CTDSPL: variants seen among roughly 807,000 people sequenced by gnomAD.
CTDSPL encodes the protein CTD small phosphatase-like protein.
Under a neutral mutation model 30.5 loss-of-function variants are expected in CTDSPL, and 8 were observed. The ratio of observed to expected loss-of-function variants is 0.26; its 90% confidence interval spans 0.15 to 0.47. The LOEUF is 0.47. CTDSPL is among the 20% of genes least tolerant of loss of function. CTDSPL has a pLI of 0.99. For synonymous variants in CTDSPL, 110 were observed against 137.9 expected, an observed-to-expected ratio of 0.80 and a Z score of 1.42; for missense variants, 248 against 366.1, an observed-to-expected ratio of 0.68 and a Z score of 2.63.
intron 3 of CTDSPL, among the ~76,000 whole-genome samples, chr3:37,957,970 T>C (rs1699193601): frequency 6.6e-6 from 1 of 152,222 alleles, no homozygotes; most frequent in Non-Finnish European, 1.5e-5. Context: ...TAGAGAAGGA[T>C]TTAGGTTTCA....
At chr3:37,939,964 C>T (rs1374402614) in intron 1 of CTDSPL, among the ~76,000 whole-genome samples, 3 of 149,984 alleles carry the variant, frequency 2.0e-5, no homozygotes, top group Admixed American at 1.3e-4. Context: ...TGGTGGCAGG[C>T]GCCTGTAGTC....
intron 1 of CTDSPL, 73 bp from the exon 2 acceptor site, chr3:37,946,984 A>G: frequency 6.8e-7 from 1 of 1,481,108 alleles, no homozygotes; most frequent in Non-Finnish European, 9.1e-7. Flanking sequence ...CTGCACACTC[A>G]GATTTTTGCA....
intron 7 of CTDSPL, among the ~76,000 whole-genome samples, chr3:37,977,939 C>A (rs1199571624): frequency 6.6e-6 from 1 of 152,088 alleles, no homozygotes; most frequent in Non-Finnish European, 1.5e-5. Flanking sequence ...GTATTATACG[C>A]TTATGAAGAT....
At position 37,971,523 on chromosome 3, in the gene CTDSPL, C is replaced by T; in HGVS notation, c.519+24C>T. On this transcript the variant is annotated intron_variant, in intron 6 of 7. Coordinates refer to ENST00000273179, the MANE Select transcript of CTDSPL (RefSeq NM_001008392.2). ...AGGTGAGTCCTGCTTCCCAGCCCCA[C>T]ACTCCCAGCCTGGTACTCCCAGCCC... The T allele has an allele frequency of 1.9e-6, 3 of 1,603,220 alleles. No homozygotes were observed. In the East Asian group the frequency reaches 6.7e-5, roughly 36 times the overall value.
chr3:37,938,812 C>G (rs1698944622), intron 1 of CTDSPL, among the ~76,000 whole-genome samples: 1 of 149,524 alleles, frequency 6.7e-6, no homozygotes, highest in East Asian at 2.0e-4. Context: ...TCCCGAGTAG[C>G]TGGGACTACA....
chr3:37,953,049 A>G (rs1243536513), intron 2 of CTDSPL, among the ~76,000 whole-genome samples: 3 of 152,248 alleles, frequency 2.0e-5, no homozygotes, highest in Admixed American at 1.3e-4. Context: ...ATAACATTTT[A>G]TTTAATCACT....
At chr3:37,947,015 C>T in intron 1 of CTDSPL, 42 bp from the exon 2 acceptor site, 1 of 1,591,228 alleles carries the variant, frequency 6.3e-7, no homozygotes, top group East Asian at 2.2e-5. Context: ...ACTATCAGTA[C>T]ATGCTGCAGT....
At chr3:37,952,552 C>T (rs1018296384) in intron 2 of CTDSPL, among the ~76,000 whole-genome samples, 1 of 152,198 alleles carries the variant, frequency 6.6e-6, no homozygotes, top group African/African-American at 2.4e-5. Context: ...ACAGAAAAAC[C>T]CAGGAGACTT....
rs1340382979 is a variant in CTDSPL, at chr3:37,960,527, TATATATATACACAC to T, written c.267+3386_267+3399del. Among the ~76,000 whole-genome samples the T allele has an allele frequency of 2.6e-3, 163 of 63,622 alleles. 3 individuals are homozygous for T. Among genetic ancestry groups the T allele is most frequent in the African/African-American group, 0.01 (148 of 14,786 alleles). The allele number at this position is 63,622 out of a possible 152,430, so 41.7% of individuals were successfully genotyped here. A position where few individuals can be genotyped will look rare whatever the true frequency, so the allele number is the denominator to read the frequency against. ...AAAAATATATATATATATATATATATATATATATACACACACACACACACACACACACACACACA... is the reference window on the plus strand; with the variant it reads ...AAAAATATATATATATATATATATATACACACACACACACACACACACACA... On this transcript the variant is annotated intron_variant, in intron 3 of 7. Transcript: ENST00000273179.
chr3:37,884,291 AAGC>A (rs1698240325), intron 1 of CTDSPL, among the ~76,000 whole-genome samples: 1 of 152,130 alleles, frequency 6.6e-6, no homozygotes, highest in Non-Finnish European at 1.5e-5. Context: ...TAGTTACAAA[AAGC>A]AGGTTGCAGA....
intron 1 of CTDSPL, among the ~76,000 whole-genome samples, chr3:37,863,809 G>A (rs1697974475): frequency 1.3e-5 from 2 of 152,218 alleles, no homozygotes; most frequent in Non-Finnish European, 2.9e-5. Context: ...TTGGGCATTT[G>A]TCAACCTGTT....
chr3:37,913,754 C>T (rs1329957605), intron 1 of CTDSPL, among the ~76,000 whole-genome samples: 2 of 152,190 alleles, frequency 1.3e-5, no homozygotes, highest in African/African-American at 2.4e-5. Context: ...AGGAACCTAC[C>T]AGCGTTGGTT....
chr3:37,954,179 G>C (rs913657208), intron 2 of CTDSPL, among the ~76,000 whole-genome samples: 1 of 152,218 alleles, frequency 6.6e-6, no homozygotes, highest in Admixed American at 6.5e-5. Context: ...GTACTCAGCC[G>C]TATCTATCAG....
rs548988818 is a variant in CTDSPL at position 37,942,295 on chromosome 3, A to G, written c.80-4762A>G. Among the ~76,000 whole-genome samples, 114 of 150,402 alleles carry G rather than the reference A, an allele frequency of 7.6e-4. 7 individuals carry two copies. The highest frequency in any genetic ancestry group is 1.4e-3 in the Non-Finnish European group (96 of 67,100). On this transcript the variant is annotated intron_variant, in intron 1 of 7. Coordinates refer to ENST00000273179, the MANE Select transcript of CTDSPL (RefSeq NM_001008392.2). Reference sequence around the variant, plus strand: ...GCCTTTGATCCAGCGTTCCTGGAGAACCCTCACTCATTTATGAAGCGAAAG... The same window carrying G: ...GCCTTTGATCCAGCGTTCCTGGAGAGCCCTCACTCATTTATGAAGCGAAAG...
intron 4 of CTDSPL, among the ~76,000 whole-genome samples, chr3:37,965,910 A>G (rs1392141262): frequency 2.6e-5 from 4 of 152,180 alleles, no homozygotes; most frequent in Admixed American, 6.5e-5. Context: ...AGCCCCTTCC[A>G]TAGTTGGTCC....
intron 4 of CTDSPL, among the ~76,000 whole-genome samples, chr3:37,967,106 G>A (rs1260542392): frequency 6.6e-6 from 1 of 152,228 alleles, no homozygotes; most frequent in African/African-American, 2.4e-5. Context: ...GTTCCTTGGA[G>A]CGGAGCAGGC....
chr3:37,952,697 C>A (rs1348145328), intron 2 of CTDSPL, among the ~76,000 whole-genome samples: 1 of 152,162 alleles, frequency 6.6e-6, no homozygotes, highest in Non-Finnish European at 1.5e-5. Context: ...TTGGGTATAG[C>A]CATTTGTCAC....
chr3:37,917,029 G>A (rs1467166835), intron 1 of CTDSPL, among the ~76,000 whole-genome samples: 2 of 152,174 alleles, frequency 1.3e-5, no homozygotes, highest in Non-Finnish European at 2.9e-5. Context: ...AGTGTCGTAG[G>A]TATAAGGAAA....
At chr3:37,868,142 G>A (rs1228763374) in intron 1 of CTDSPL, among the ~76,000 whole-genome samples, 2 of 151,906 alleles carry the variant, frequency 1.3e-5, no homozygotes, top group Non-Finnish European at 2.9e-5. Flanking sequence ...GCTTATTACG[G>A]TTTTAATTTG....
Sources: gnomAD v4.1 joint callset for allele counts (sites outside exome capture counted in the v4.1 genomes callset) on GRCh38, gnomAD v4.1.1 for gene constraint, MANE v1.5 for transcripts, NCBI Gene and HGNC (gene_info 2026-07-23, HGNC 2026-07-21) for gene names.